The following GHR variants were observed in gnomAD, a reference collection of about 807,000 sequenced individuals.
GHR encodes the protein growth hormone receptor, also known as GH receptor.
In GHR, 35 loss-of-function variants were observed where a neutral mutation model predicts 67.1. The observed-to-expected ratio is 0.52, with a 90% CI of 0.40 to 0.69. The LOEUF (loss-of-function observed/expected upper bound fraction) is 0.69, where lower values mean the gene tolerates loss of function less well. Ranked by LOEUF, GHR falls within the 30% of genes least tolerant of loss-of-function variation. GHR has a pLI of 0.00. For synonymous variants in GHR, 272 were observed against 269.1 expected, an observed-to-expected ratio of 1.01 and a Z score of -0.10; for missense variants, 792 against 764.6, an observed-to-expected ratio of 1.04 and a Z score of -0.42.
intron 5 of GHR, among the ~76,000 whole-genome samples, chr5:42,696,300 G>A (rs1579628981): frequency 6.6e-6 from 1 of 152,230 alleles, no homozygotes; most frequent in South Asian, 2.1e-4. Context: ...TTGCAGTGCA[G>A]CGTGATAGGT....
At chr5:42,629,823 A>C (rs1753860001) in intron 3 of GHR, among the ~76,000 whole-genome samples, 1 of 131,904 alleles carries the variant, frequency 7.6e-6, no homozygotes. Context: ...TTTTAAAATT[A>C]TTTTCATTAT....
intron 2 of GHR, among the ~76,000 whole-genome samples, chr5:42,571,968 G>T (rs1454756203): frequency 6.6e-6 from 1 of 152,196 alleles, no homozygotes; most frequent in African/African-American, 2.4e-5. Context: ...AGAAGTCCAT[G>T]TTGGCCTTTA....
intron 8 of GHR, among the ~76,000 whole-genome samples, chr5:42,716,638 T>TA (rs1478883062): frequency 6.6e-6 from 1 of 152,222 alleles, no homozygotes; most frequent in African/African-American, 2.4e-5. Flanking sequence ...TCAGAAGCAC[T>TA]AAAAAATGAT....
At chr5:42,575,644 T>C (rs1483386784) in intron 2 of GHR, among the ~76,000 whole-genome samples, 1 of 150,210 alleles carries the variant, frequency 6.7e-6, no homozygotes, top group Non-Finnish European at 1.5e-5. Flanking sequence ...CAAGTGCAGG[T>C]AAAGCTGGCT....
chr5:42,577,995 A>G (rs911784343), intron 2 of GHR, among the ~76,000 whole-genome samples: 2 of 152,238 alleles, frequency 1.3e-5, no homozygotes, highest in Admixed American at 1.3e-4. Context: ...TAGAGCTCAC[A>G]GAACATATGA....
At chr5:42,455,248 G>A (rs563353202) in intron 1 of GHR, among the ~76,000 whole-genome samples, 13 of 152,140 alleles carry the variant, frequency 8.5e-5, no homozygotes, top group Non-Finnish European at 1.8e-4. Flanking sequence ...CTGTCTCACA[G>A]AGTTTGCAGC....
At chr5:42,594,028 T>C (rs1340186547) in intron 2 of GHR, among the ~76,000 whole-genome samples, 1 of 152,248 alleles carries the variant, frequency 6.6e-6, no homozygotes, top group African/African-American at 2.4e-5. Context: ...GACTTGTTTC[T>C]ATTTGAAAAT....
chr5:42,445,026 C>T (rs1301027978), intron 1 of GHR, among the ~76,000 whole-genome samples: 4 of 152,220 alleles, frequency 2.6e-5, no homozygotes, highest in Admixed American at 6.5e-5. Context: ...CCTCTGTAAA[C>T]ACTTGTTAAA....
intron 1 of GHR, among the ~76,000 whole-genome samples, chr5:42,525,247 C>T (rs544841452): frequency 5.1e-4 from 78 of 152,298 alleles, no homozygotes; most frequent in Middle Eastern, 3.4e-3. Flanking sequence ...AGAGTAGAGC[C>T]GCCCAAGACC....
intron 2 of GHR, among the ~76,000 whole-genome samples, chr5:42,568,031 A>G (rs1469918898): frequency 6.6e-6 from 1 of 152,154 alleles, no homozygotes; most frequent in Non-Finnish European, 1.5e-5. Context: ...AAAAGATACT[A>G]CTATTGAATT....
intron 3 of GHR, among the ~76,000 whole-genome samples, chr5:42,656,638 A>G (rs571650278): frequency 1.7e-4 from 26 of 152,344 alleles, no homozygotes; most frequent in African/African-American, 5.8e-4. Context: ...AAGTTGCAGC[A>G]ATTCACCACA....
intron 1 of GHR, among the ~76,000 whole-genome samples, chr5:42,431,911 C>T (rs959202525): frequency 6.6e-6 from 1 of 152,058 alleles, no homozygotes; most frequent in Non-Finnish European, 1.5e-5. Context: ...TGGTGGACAA[C>T]CTGTGTCCTA....
intron 1 of GHR, among the ~76,000 whole-genome samples, chr5:42,452,065 C>T (rs1744074362): frequency 6.6e-6 from 1 of 152,186 alleles, no homozygotes; most frequent in South Asian, 2.1e-4. Flanking sequence ...AGATTTAGAA[C>T]ACCCTTAAGC....
intron 1 of GHR, chr5:42,467,671 T>C: frequency 1.2e-6 from 2 of 1,600,084 alleles, no homozygotes; most frequent in Non-Finnish European, 1.7e-6. Context: ...CTGATGCACA[T>C]CGAGCTTTGC....
intron 1 of GHR, among the ~76,000 whole-genome samples, chr5:42,438,079 C>CTTGTG (rs1170423734): frequency 6.6e-6 from 1 of 152,180 alleles, no homozygotes; most frequent in Admixed American, 6.5e-5. Flanking sequence ...GTATTCTCTA[C>CTTGTG]TTGTGGACAC....
chr5:42,686,354 A>ATAGTT (rs57050011), intron 3 of GHR, among the ~76,000 whole-genome samples: 125,830 of 151,544 alleles, frequency 0.83, 52,502 homozygotes, highest in East Asian at 1. Flanking sequence ...GCCTTGTAGT[A>ATAGTT]TGAAGTCAGA....
At chr5:42,466,166 T>G (rs746946671) in intron 1 of GHR, among the ~76,000 whole-genome samples, 1 of 152,108 alleles carries the variant, frequency 6.6e-6, no homozygotes, top group Non-Finnish European at 1.5e-5. Flanking sequence ...CAAATGACTA[T>G]AGCTGGCGTG....
intron 2 of GHR, among the ~76,000 whole-genome samples, chr5:42,591,539 G>A (rs977247655): frequency 1.3e-5 from 2 of 152,174 alleles, no homozygotes; most frequent in African/African-American, 4.8e-5. Context: ...ATCAACGACT[G>A]TTCCACTAAT....
At chr5:42,701,127 T>G (rs1757909847) in intron 6 of GHR, among the ~76,000 whole-genome samples, 2 of 152,176 alleles carry the variant, frequency 1.3e-5, no homozygotes. Flanking sequence ...GGGAGTTCAG[T>G]ACTATTTTCA....
Sources: allele counts gnomAD v4.1 joint callset (sites outside exome capture counted in the v4.1 genomes callset), GRCh38; gene constraint gnomAD v4.1.1; transcripts MANE v1.5; gene names NCBI Gene and HGNC (gene_info 2026-07-23, HGNC 2026-07-21).